The following SLC35D4 variants were observed in gnomAD, a reference collection of about 807,000 sequenced individuals.
SLC35D4 encodes solute carrier family 35 member D4.
the SLC35D4 span, among the ~76,000 whole-genome samples, chr18:23,365,001 C>T: frequency 6.8e-6 from 1 of 147,116 alleles, no homozygotes; most frequent in South Asian, 2.2e-4. Flanking sequence ...AAAATGATGC[C>T]AGATAGAAAG....
the SLC35D4 span, among the ~76,000 whole-genome samples, chr18:23,411,525 G>GAAAGAAAGAA: frequency 6.6e-6 from 1 of 151,456 alleles, no homozygotes; most frequent in South Asian, 2.1e-4. Context: ...AAGAAAGAAA[G>GAAAGAAAGAA]AAAGAAAGAA....
chr18:23,240,951 A>C, the SLC35D4 span, among the ~76,000 whole-genome samples: 2 of 152,346 alleles, frequency 1.3e-5, no homozygotes, highest in African/African-American at 4.8e-5. Flanking sequence ...GTTTGTTTGA[A>C]GTGTGCATTT....
chr18:23,250,396 A>G, the SLC35D4 span, among the ~76,000 whole-genome samples: 17 of 152,246 alleles, frequency 1.1e-4, no homozygotes, highest in African/African-American at 3.9e-4. Flanking sequence ...GGGAAACAGG[A>G]GGGTTGGCTG....
chr18:23,411,477 AAG>A, the SLC35D4 span, among the ~76,000 whole-genome samples: 1 of 107,192 alleles, frequency 9.3e-6, no homozygotes, highest in African/African-American at 3.4e-5. Context: ...AAAAGAAAGA[AAG>A]AGATAGAAAG....
chr18:23,324,746 G>T, the SLC35D4 span, among the ~76,000 whole-genome samples: 619 of 152,264 alleles, frequency 4.1e-3, 6 homozygotes, highest in African/African-American at 0.014. Flanking sequence ...GAGGAAGAGT[G>T]GGAAGGGCAG....
At chr18:23,309,046 A>G in the SLC35D4 span, among the ~76,000 whole-genome samples, 2 of 152,156 alleles carry the variant, frequency 1.3e-5, no homozygotes, top group South Asian at 4.1e-4. Context: ...ATTACTTGTA[A>G]TATCAAATAC....
chr18:23,240,548 A>G, the SLC35D4 span, among the ~76,000 whole-genome samples: 2 of 152,224 alleles, frequency 1.3e-5, no homozygotes, highest in Admixed American at 6.5e-5. Flanking sequence ...CCACTAGGCT[A>G]GTGTGAGGAT....
chr18:23,386,503 T>G, the SLC35D4 span, among the ~76,000 whole-genome samples: 1 of 152,120 alleles, frequency 6.6e-6, no homozygotes, highest in African/African-American at 2.4e-5. Context: ...ATTTCAAACT[T>G]CTGGCCTCCA....
chr18:23,368,806 CAT>C, the SLC35D4 span: 3 of 1,131,104 alleles, frequency 2.7e-6, no homozygotes, highest in South Asian at 4.5e-5. Context: ...ATTTTAAATA[CAT>C]AAAATAATCA....
chr18:23,402,421 A>G, the SLC35D4 span, among the ~76,000 whole-genome samples: 1 of 152,206 alleles, frequency 6.6e-6, no homozygotes, highest in Non-Finnish European at 1.5e-5. Context: ...TCAACAATCC[A>G]CACACAAACG....
At chr18:23,412,272 ATGCCAC>A in the SLC35D4 span, among the ~76,000 whole-genome samples, 1 of 152,194 alleles carries the variant, frequency 6.6e-6, no homozygotes, top group East Asian at 1.9e-4. Flanking sequence ...AGCCAAGATC[ATGCCAC>A]TGCACTCTAG....
At chr18:23,292,104 T>G in the SLC35D4 span, among the ~76,000 whole-genome samples, 35 of 152,248 alleles carry the variant, frequency 2.3e-4, no homozygotes, top group Admixed American at 4.6e-4. Flanking sequence ...GTTCCAAGTA[T>G]GACTAACTGC....
At chr18:23,391,053 C>T in the SLC35D4 span, among the ~76,000 whole-genome samples, 1 of 151,906 alleles carries the variant, frequency 6.6e-6, no homozygotes, top group Admixed American at 6.6e-5. Context: ...TGGTGAAACC[C>T]CGTCTCTACT....
chr18:23,351,526 C>T, the SLC35D4 span, among the ~76,000 whole-genome samples: 1 of 151,906 alleles, frequency 6.6e-6, no homozygotes, highest in Non-Finnish European at 1.5e-5. Flanking sequence ...GAAACTTCAA[C>T]CCATAAAACA....
chr18:23,384,414 T>C, the SLC35D4 span, among the ~76,000 whole-genome samples: 1 of 152,172 alleles, frequency 6.6e-6, no homozygotes, highest in Non-Finnish European at 1.5e-5. Context: ...ACATTACTAA[T>C]TGTTCCTGAT....
At chr18:23,354,359 A>AAAG in the SLC35D4 span, among the ~76,000 whole-genome samples, 1 of 150,208 alleles carries the variant, frequency 6.7e-6, no homozygotes, top group South Asian at 2.1e-4. Context: ...AAAAAAAAAA[A>AAAG]AAAAAAAGAA....
the SLC35D4 span, among the ~76,000 whole-genome samples, chr18:23,376,509 A>T: frequency 1.3e-5 from 2 of 152,188 alleles, no homozygotes; most frequent in Non-Finnish European, 2.9e-5. Flanking sequence ...AAGGCACCCC[A>T]ACACACAAAT....
At chr18:23,281,354 G>A in the SLC35D4 span, among the ~76,000 whole-genome samples, 1 of 151,994 alleles carries the variant, frequency 6.6e-6, no homozygotes, top group Admixed American at 6.6e-5. Flanking sequence ...ACAAGATCTT[G>A]TTCTGTCACC....
At chr18:23,361,222 G>A in the SLC35D4 span, among the ~76,000 whole-genome samples, 1 of 151,636 alleles carries the variant, frequency 6.6e-6, no homozygotes, top group Non-Finnish European at 1.5e-5. Context: ...ATTCTTCCAA[G>A]ACTATCCCTA....
Sources: allele counts gnomAD v4.1 joint callset (sites outside exome capture counted in the v4.1 genomes callset), GRCh38; gene constraint gnomAD v4.1.1; transcripts MANE v1.5; gene names NCBI Gene and HGNC (gene_info 2026-07-23, HGNC 2026-07-21).